The following GSDMC variants were observed in gnomAD, a reference collection of about 807,000 sequenced individuals.
GSDMC encodes gasdermin C, also known as gasdermin-C.
A neutral mutation model predicts 58.0 loss-of-function variants in GSDMC; 59 were observed. The ratio of observed to expected loss-of-function variants is 1.02; its 90% CI spans 0.82 to 1.26. The LOEUF is 1.26. Among genes scored for constraint, GSDMC ranks in the 50% most tolerant of loss-of-function variants. GSDMC has a pLI of 0.00. For synonymous variants in GSDMC, 241 were observed against 220.2 expected (o/e 1.09, Z -0.83); for missense variants, 659 against 598.5 (o/e 1.10, Z -1.06).
chr8:129,719,857 A>T, the GSDMC span, among the ~76,000 whole-genome samples: 5 of 152,150 alleles, frequency 3.3e-5, no homozygotes, highest in African/African-American at 1.2e-4. Context: ...AGGCACAAGA[A>T]TCTCTTGAAA....
chr8:129,751,113 CAA>C (rs1491167836), intron 10 of GSDMC, among the ~76,000 whole-genome samples: 2 of 152,142 alleles, frequency 1.3e-5, no homozygotes, highest in East Asian at 3.9e-4. Context: ...CTCAAAAAAA[CAA>C]GAGAGAGAGA....
chr8:129,733,416 CA>C, the GSDMC span, among the ~76,000 whole-genome samples: 19 of 152,184 alleles, frequency 1.2e-4, no homozygotes, highest in Non-Finnish European at 2.8e-4. Context: ...CAGTAGGGGC[CA>C]ACTAACACCT....
chr8:129,777,721 G>A (rs1343222555), intron 1 of GSDMC, 130 bp from the exon 2 acceptor site: 2 of 637,014 alleles, frequency 3.1e-6, no homozygotes, highest in Non-Finnish European at 5.6e-6. Context: ...TTAAAATAGT[G>A]ACTAGATTAT....
chr8:129,760,581 T>C lies in GSDMC; in HGVS notation c.685A>G (p.Ile229Val). The stretch of plus-strand genomic sequence containing the variant: ...GTTCTCTGTTCATCATCATCTGAGA[T>C]GAGAATGGCTGAATGGAAAAGAAGA... ...QLVIKEKAIL[I>V]SDDDEQRTFQ... Residue 229 changes from isoleucine (I) to valine (V), a missense_variant, in exon 6 of 14, where the codon ATC (isoleucine) becomes GTC (valine). Transcript: ENST00000276708. 1 of 1,591,646 alleles carries C rather than the reference T, an allele frequency of 6.3e-7. No individual in the cohort carries two copies. Among genetic ancestry groups the C allele is most frequent in the Non-Finnish European group, 8.6e-7 (1 of 1,160,164 alleles).
chr8:129,784,785 T>G (rs1310119029), intron 1 of GSDMC, among the ~76,000 whole-genome samples: 2 of 152,202 alleles, frequency 1.3e-5, no homozygotes, highest in African/African-American at 4.8e-5. Flanking sequence ...TGAAGAGATA[T>G]CTTCACTCCC....
chr8:129,743,365 C>G (rs4385436), downstream of GSDMC, among the ~76,000 whole-genome samples: 2 of 151,936 alleles, frequency 1.3e-5, no homozygotes, highest in Admixed American at 6.6e-5. Context: ...TACTAACAAG[C>G]CTGTACAGTG....
chr8:129,730,061 A>G, the GSDMC span: 2 of 1,137,540 alleles, frequency 1.8e-6, no homozygotes, highest in Non-Finnish European at 1.2e-6. Context: ...GAAAATAAGT[A>G]AAGAAGATTT....
chr8:129,786,520 C>T lies in GSDMC; in HGVS notation c.-514G>A, dbSNP rs1372280587. On this transcript the variant is annotated 5_prime_UTR_variant, in exon 1 of 14. Coordinates refer to ENST00000276708, the MANE Select transcript of GSDMC (RefSeq NM_031415.3). The stretch of plus-strand genomic sequence containing the variant: ...CCTGGAAAAATAAGCACAGGAGGGC[C>T]CTGTTCATTTCCAGAAGAGTAAGTC... 6.6e-6 allele frequency: 1 copy of T among 152,106 alleles called. No homozygotes were observed. Among genetic ancestry groups the T allele is most frequent in the Non-Finnish European group, 1.5e-5 (1 of 68,040 alleles). The allele number at this position is 152,106 out of a possible 1,614,324, so 9.4% of individuals were successfully genotyped here.
At chr8:129,776,076 AT>A in intron 3 of GSDMC, 25 bp downstream of exon 3, 15 of 1,572,632 alleles carry the variant, frequency 9.5e-6, no homozygotes, top group Non-Finnish European at 1.3e-5. Context: ...CTGATGATCC[AT>A]CCCCTTCCTC....
the GSDMC span, among the ~76,000 whole-genome samples, chr8:129,705,846 A>G: frequency 3.9e-5 from 6 of 152,098 alleles, no homozygotes; most frequent in Non-Finnish European, 5.9e-5. Context: ...AGGAAGGGCT[A>G]TTTTGCCATC....
the GSDMC span, among the ~76,000 whole-genome samples, chr8:129,724,906 A>G: frequency 1.4e-4 from 22 of 152,330 alleles, no homozygotes; most frequent in African/African-American, 5.3e-4. Context: ...ATGAGAAGAA[A>G]AAGGCATTGC....
intron 1 of GSDMC, among the ~76,000 whole-genome samples, chr8:129,780,853 A>G (rs1471266687): frequency 6.6e-6 from 1 of 152,220 alleles, no homozygotes; most frequent in African/African-American, 2.4e-5. Flanking sequence ...ATAGTACCAC[A>G]GGACATAAAG....
At chr8:129,714,471 A>T in the GSDMC span, among the ~76,000 whole-genome samples, 4 of 152,218 alleles carry the variant, frequency 2.6e-5, no homozygotes, top group African/African-American at 9.6e-5. Context: ...TTTCATGACC[A>T]GTGCCTGGGA....
chr8:129,773,077 T>C (rs2034112793), intron 3 of GSDMC, among the ~76,000 whole-genome samples: 1 of 152,224 alleles, frequency 6.6e-6, no homozygotes, highest in Non-Finnish European at 1.5e-5. Context: ...CCTTTCATGA[T>C]AAAACTCTCA....
At chr8:129,728,883 T>C in the GSDMC span, 1 of 652,254 alleles carries the variant, frequency 1.5e-6, no homozygotes, top group Non-Finnish European at 2.9e-6. Flanking sequence ...CTTGTGGACC[T>C]TCCTCAAGCA....
chr8:129,767,530 G>T (rs1048809108), intron 3 of GSDMC, among the ~76,000 whole-genome samples: 1 of 99,072 alleles, frequency 1.0e-5, no homozygotes, highest in African/African-American at 4.0e-5. Flanking sequence ...CAACCACACA[G>T]AGCTACACAT....
At chr8:129,707,500 A>G in the GSDMC span, among the ~76,000 whole-genome samples, 45 of 152,162 alleles carry the variant, frequency 3.0e-4, no homozygotes, top group Non-Finnish European at 4.4e-4. Context: ...GTTCTTCTTT[A>G]TATTGTGCCA....
chr8:129,716,131 C>A, the GSDMC span, among the ~76,000 whole-genome samples: 3 of 151,918 alleles, frequency 2.0e-5, no homozygotes, highest in Non-Finnish European at 4.4e-5. Flanking sequence ...TAAAAAGTGG[C>A]AAGATGATAG....
chr8:129,740,128 GC>G, the GSDMC span, among the ~76,000 whole-genome samples: 2 of 152,156 alleles, frequency 1.3e-5, no homozygotes, highest in Non-Finnish European at 2.9e-5. Flanking sequence ...GTTATGTACA[GC>G]TTTAGAATGT....
Sources: gnomAD v4.1 joint callset for allele counts (sites outside exome capture counted in the v4.1 genomes callset) on GRCh38, gnomAD v4.1.1 for gene constraint, MANE v1.5 for transcripts, NCBI Gene and HGNC (gene_info 2026-07-23, HGNC 2026-07-21) for gene names.